KRT8: variants seen among roughly 807,000 people sequenced by gnomAD.
The protein encoded by KRT8 is keratin, type II cytoskeletal 8.
Under a neutral mutation model 43.0 loss-of-function variants are expected in KRT8, and 24 were observed. That is an observed-to-expected ratio of 0.56 (90% CI 0.40 to 0.78). The LOEUF is 0.78. Among genes scored for constraint, KRT8 ranks in the 30% least tolerant of loss-of-function variants. The pLI, the probability that KRT8 is intolerant of heterozygous loss-of-function variation, is 0.00. For synonymous variants in KRT8, 214 were observed against 261.2 expected, an observed-to-expected ratio of 0.82 and a Z score of 1.74; for missense variants, 492 against 638.4, an observed-to-expected ratio of 0.77 and a Z score of 2.47.
intron 2 of KRT8, among the ~76,000 whole-genome samples, chr12:52,945,916 G>A (rs1003000110): frequency 2.0e-5 from 3 of 149,954 alleles, no homozygotes; most frequent in Non-Finnish European, 4.5e-5. Context: ...TGGGAATCTG[G>A]AGGCCGAGAC....
intron 3 of KRT8, 47 bp from the exon 4 acceptor site, chr12:52,900,730 C>T: frequency 7.2e-7 from 1 of 1,381,914 alleles, no homozygotes; most frequent in Non-Finnish European, 1.0e-6. Flanking sequence ...CCACACCCAA[C>T]CCCAACCAAG....
chr12:52,912,886 G>GCACAGGCAGCGTGACCAGGTA (rs550304697), intron 2 of KRT8, among the ~76,000 whole-genome samples: 1 of 152,232 alleles, frequency 6.6e-6, no homozygotes, highest in Non-Finnish European at 1.5e-5. Context: ...TAGCCACTTA[G>GCACAGGCAGCGTGACCAGGTA]CACAGGCAGC....
At chr12:52,910,447 G>A (rs1380047121), upstream of KRT8, among the ~76,000 whole-genome samples, 1 of 152,214 alleles carries the variant, frequency 6.6e-6, no homozygotes, top group African/African-American at 2.4e-5. Context: ...GATATACTCT[G>A]TCCCTCAGGA....
At chr12:52,926,977 TC>T (rs1240783797) in intron 2 of KRT8, among the ~76,000 whole-genome samples, 1 of 152,172 alleles carries the variant, frequency 6.6e-6, no homozygotes, top group African/African-American at 2.4e-5. Context: ...AATGAATGAT[TC>T]AATTCTATCC....
At chr12:52,934,895 G>A (rs1237395982) in intron 2 of KRT8, among the ~76,000 whole-genome samples, 1 of 152,026 alleles carries the variant, frequency 6.6e-6, no homozygotes, top group East Asian at 1.9e-4. Flanking sequence ...CTTGAACCCG[G>A]GAGGCAGAGG....
chr12:52,905,099 A>C, upstream of KRT8: 1 of 1,460,448 alleles, frequency 6.8e-7, no homozygotes, highest in South Asian at 1.4e-5. Flanking sequence ...AAGAGATCCC[A>C]GCCCCGGGGG....
At chr12:52,904,606 A>C in intron 1 of KRT8, 52 bp downstream of exon 1, 3 of 1,522,872 alleles carry the variant, frequency 2.0e-6, no homozygotes, top group Non-Finnish European at 2.7e-6. Context: ...GACCGGGACT[A>C]CCAGGAGAAA....
At position 52,929,084 on chromosome 12, in the gene KRT8, G is replaced by A. The variant is rs555046420; in HGVS notation, c.-47+20372C>T. Among the ~76,000 whole-genome samples the A allele has an allele frequency of 1.1e-3, 172 of 151,812 alleles. 1 individual carries two copies. The highest frequency in any genetic ancestry group is 3.8e-3 in the African/African-American group (159 of 41,370). On this transcript the variant is annotated intron_variant, in intron 2 of 6. Coordinates refer to the KRT8 transcript ENST00000546826. Reference sequence around the variant, plus strand: ...CATCCATGGAAATGGCTAAACTAATGATCAACTCCTAGCCAAATTTGATGG... The same window carrying A: ...CATCCATGGAAATGGCTAAACTAATAATCAACTCCTAGCCAAATTTGATGG...
rs763658440 is a variant in KRT8 at position 52,898,527 on chromosome 12, C to T, written c.1203-8G>A. 5.0e-6 allele frequency: 8 copies of T among 1,614,004 alleles called. No homozygotes were observed. The highest frequency in any genetic ancestry group is 6.8e-6 in the Non-Finnish European group (8 of 1,179,988). On this transcript the variant is annotated splice_polypyrimidine_tract_variant and splice_region_variant and intron_variant, in intron 6 of 7. Coordinates refer to ENST00000692008, the Ensembl canonical transcript of KRT8. ...TGCATCCCAGACTCCAGCCTGTACC[C>T]AGACAAATGGGGTGTCAGGACCAAC...
At chr12:52,912,696 A>G (rs940406011) in intron 2 of KRT8, among the ~76,000 whole-genome samples, 1 of 152,236 alleles carries the variant, frequency 6.6e-6, no homozygotes, top group Non-Finnish European at 1.5e-5. Flanking sequence ...CCCACCTGAC[A>G]CAGAGAGGCA....
At chr12:52,906,429 C>A, upstream of KRT8, 1 of 303,376 alleles carries the variant, frequency 3.3e-6, no homozygotes, top group Non-Finnish European at 6.6e-6. Context: ...ACCCAGGCTC[C>A]CAACGGGCCA....
chr12:52,904,825 C>G (rs531316453), exon 1 of KRT8: 3 of 1,612,408 alleles, frequency 1.9e-6, no homozygotes, highest in Admixed American at 3.3e-5. Flanking sequence ...CCACCATAGC[C>G]GCCGCCCAGG....
At chr12:52,907,585 T>A (rs945668265), upstream of KRT8, among the ~76,000 whole-genome samples, 2 of 152,182 alleles carry the variant, frequency 1.3e-5, no homozygotes, top group Non-Finnish European at 2.9e-5. Context: ...CAGAGGGGGT[T>A]GCCAGGGACC....
intron 7 of KRT8, among the ~76,000 whole-genome samples, 189 bp from the exon 8 acceptor site, chr12:52,897,807 G>A (rs1045744513): frequency 2.6e-5 from 4 of 152,344 alleles, no homozygotes; most frequent in Non-Finnish European, 2.9e-5. Flanking sequence ...GTGGAAAACA[G>A]CTGCCATATA....
chr12:52,915,267 G>A (rs1372598453), intron 2 of KRT8, among the ~76,000 whole-genome samples: 1 of 152,004 alleles, frequency 6.6e-6, no homozygotes, highest in African/African-American at 2.4e-5. Context: ...CAGCTACTCA[G>A]GAGGCTGAGG....
chr12:52,933,909 G>A (rs943199524), intron 2 of KRT8, among the ~76,000 whole-genome samples: 7 of 151,608 alleles, frequency 4.6e-5, no homozygotes, highest in African/African-American at 1.7e-4. Flanking sequence ...TTAGGCGTGA[G>A]CCACCTCGCC....
At chr12:52,915,800 G>A (rs4919743) in intron 2 of KRT8, among the ~76,000 whole-genome samples, 18,567 of 152,126 alleles carry the variant, frequency 0.12, 1,222 homozygotes, top group African/African-American at 0.15. Flanking sequence ...TAACCAAAAT[G>A]TACACCAATA....
intron 2 of KRT8, among the ~76,000 whole-genome samples, chr12:52,941,478 CTTTTTTTTTTTT>C (rs774607187): frequency 1.4e-5 from 1 of 72,574 alleles, no homozygotes; most frequent in African/African-American, 6.1e-5. Context: ...AGTTTTTGCT[CTTTTTTTTTTTT>C]TTTTTTTTTT....
chr12:52,909,065 C>T (rs1168124302), upstream of KRT8, among the ~76,000 whole-genome samples: 1 of 152,182 alleles, frequency 6.6e-6, no homozygotes, highest in Non-Finnish European at 1.5e-5. Flanking sequence ...CTGCACAAGT[C>T]TGTGAACATA....
Sources: gnomAD v4.1 joint callset for allele counts (sites outside exome capture counted in the v4.1 genomes callset) on GRCh38, gnomAD v4.1.1 for gene constraint, MANE v1.5 for transcripts, NCBI Gene and HGNC (gene_info 2026-07-23, HGNC 2026-07-21) for gene names.